The following XIRP2 variants were observed in gnomAD, a reference collection of about 807,000 sequenced individuals.
XIRP2 encodes xin actin-binding repeat-containing protein 2.
A neutral mutation model predicts 277.0 loss-of-function variants in XIRP2; 236 were observed. The ratio of observed to expected loss-of-function variants is 0.85; its 90% confidence interval spans 0.77 to 0.95. The LOEUF is 0.95. XIRP2 is among the 40% of genes least tolerant of loss of function. The pLI, the probability that XIRP2 is intolerant of heterozygous loss-of-function variation, is 0.00. For missense variants in XIRP2, 4,640 were observed against 4,157.5 expected (o/e 1.12, Z -3.19); for synonymous variants, 1,490 against 1,416.5 (o/e 1.05, Z -1.17).
At chr2:167,132,872 G>C (rs1691427257) in intron 2 of XIRP2, among the ~76,000 whole-genome samples, 2 of 152,148 alleles carry the variant, frequency 1.3e-5, no homozygotes, top group South Asian at 4.1e-4. Flanking sequence ...CTCAGCATTA[G>C]AGTTGCATGT....
At chr2:167,238,477 G>A (rs1047979714) in intron 5 of XIRP2, among the ~76,000 whole-genome samples, 1 of 151,972 alleles carries the variant, frequency 6.6e-6, no homozygotes, top group African/African-American at 2.4e-5. Context: ...ATGACTAACT[G>A]CTCCTTGGTT....
At chr2:167,231,727 A>G (rs992551031) in intron 5 of XIRP2, among the ~76,000 whole-genome samples, 3 of 151,930 alleles carry the variant, frequency 2.0e-5, no homozygotes, top group Admixed American at 1.3e-4. Context: ...GATCATCTCC[A>G]TCTTGGGCTT....
At chr2:167,022,647 T>G (rs1688017947) in intron 2 of XIRP2, among the ~76,000 whole-genome samples, 1 of 151,270 alleles carries the variant, frequency 6.6e-6, no homozygotes, top group African/African-American at 2.4e-5. Context: ...CCCCTTCCTG[T>G]GTCCATGTGT....
intron 2 of XIRP2, among the ~76,000 whole-genome samples, chr2:167,056,445 C>T (rs1048455187): frequency 1.3e-5 from 2 of 152,184 alleles, no homozygotes; most frequent in Admixed American, 6.5e-5. Flanking sequence ...ATTGATTGCA[C>T]GAGATGTAAA....
intron 2 of XIRP2, among the ~76,000 whole-genome samples, chr2:166,932,040 G>A (rs967496622): frequency 4.6e-5 from 7 of 152,018 alleles, no homozygotes; most frequent in South Asian, 2.1e-4. Context: ...AATGTTTATC[G>A]CACATATGGA....
At chr2:166,943,852 A>G (rs552379298) in intron 2 of XIRP2, among the ~76,000 whole-genome samples, 1 of 152,164 alleles carries the variant, frequency 6.6e-6, no homozygotes, top group Non-Finnish European at 1.5e-5. Flanking sequence ...TTTTGTCAAG[A>G]TGATTTTCCT....
At chr2:166,892,208 C>T (rs774725743) in intron 1 of XIRP2, among the ~76,000 whole-genome samples, 5 of 152,050 alleles carry the variant, frequency 3.3e-5, no homozygotes, top group Non-Finnish European at 5.9e-5. Context: ...TTGGCACAGG[C>T]TTCATTCTGA....
intron 2 of XIRP2, among the ~76,000 whole-genome samples, chr2:167,011,871 T>C (rs1339474716): frequency 6.6e-6 from 1 of 152,104 alleles, no homozygotes; most frequent in Non-Finnish European, 1.5e-5. Context: ...GAGGTGTTTG[T>C]AGTATTCTCT....
chr2:166,957,693 A>T (rs569936635), intron 2 of XIRP2, among the ~76,000 whole-genome samples: 5 of 151,938 alleles, frequency 3.3e-5, no homozygotes, highest in African/African-American at 9.6e-5. Flanking sequence ...TGTTCCCACA[A>T]AGAGGAAGCA....
At chr2:167,156,555 A>T (rs1170699870) in intron 3 of XIRP2, among the ~76,000 whole-genome samples, 1 of 152,196 alleles carries the variant, frequency 6.6e-6, no homozygotes, top group Admixed American at 6.5e-5. Flanking sequence ...TCAAATTATC[A>T]GATGCAAGAC....
At chr2:166,923,057 C>A (rs899156687) in intron 2 of XIRP2, among the ~76,000 whole-genome samples, 2 of 151,926 alleles carry the variant, frequency 1.3e-5, no homozygotes, top group African/African-American at 4.8e-5. Context: ...TTCCTATCAT[C>A]TCAAAGAGAG....
At chr2:167,204,794 T>G (rs2105382317) in intron 3 of XIRP2, among the ~76,000 whole-genome samples, 1 of 152,352 alleles carries the variant, frequency 6.6e-6, no homozygotes, top group South Asian at 2.1e-4. Context: ...TTTCCAATTT[T>G]TATTTTCTCG....
chr2:167,144,953 T>C (rs1691822714), intron 3 of XIRP2, among the ~76,000 whole-genome samples: 1 of 152,172 alleles, frequency 6.6e-6, no homozygotes, highest in African/African-American at 2.4e-5. Context: ...TTTAAATAAC[T>C]GCTGCATTGG....
intron 2 of XIRP2, among the ~76,000 whole-genome samples, chr2:166,912,865 G>C (rs1292155631): frequency 1.1e-5 from 1 of 90,456 alleles, no homozygotes; most frequent in Non-Finnish European, 1.9e-5. Context: ...GTTTGCTGGA[G>C]GTCCACTCGA....
intron 2 of XIRP2, among the ~76,000 whole-genome samples, chr2:166,975,452 G>T (rs1558935362): frequency 1.3e-5 from 2 of 151,982 alleles, no homozygotes; most frequent in Non-Finnish European, 2.9e-5. Context: ...TATGTTCTGT[G>T]ACCTCCAGCC....
rs758247467 is a variant in XIRP2 at position 167,245,986 on chromosome 2, A to C, written c.4594A>C (p.Thr1532Pro). The C allele has an allele frequency of 1.2e-6, 2 of 1,613,364 alleles. No individual in the cohort carries two copies. The highest frequency in any genetic ancestry group is 2.2e-5 in the East Asian group (1 of 44,836). Residue 1532 changes from threonine to proline, a missense_variant, in exon 9 of 11, where the codon ACA (threonine) becomes CCA (proline). Thr to Pro is a conservative substitution (Grantham distance 38, BLOSUM62 -1). Coordinates refer to ENST00000409195, the MANE Select transcript of XIRP2 (RefSeq NM_152381.6). ...AACAACCACATGGCTCTTTGAAACA[A>C]CACCACTTCATGAATTTAATGAAAC... is the stretch of plus-strand genomic sequence containing the variant. ...VKTTTWLFET[T>P]PLHEFNETRV...
chr2:167,230,713 G>C (rs16853279), intron 5 of XIRP2, among the ~76,000 whole-genome samples: 17 of 151,848 alleles, frequency 1.1e-4, no homozygotes, highest in Admixed American at 1.1e-3. Flanking sequence ...TAGAATGCTA[G>C]CACGGAAGAG....
chr2:167,115,311 G>A (rs1690868153), intron 2 of XIRP2, among the ~76,000 whole-genome samples: 1 of 152,116 alleles, frequency 6.6e-6, no homozygotes, highest in Admixed American at 6.5e-5. Flanking sequence ...ATGTCCTTCT[G>A]AATCTCAATG....
intron 2 of XIRP2, among the ~76,000 whole-genome samples, chr2:166,945,257 C>T (rs1424127549): frequency 6.6e-6 from 1 of 152,106 alleles, no homozygotes; most frequent in Non-Finnish European, 1.5e-5. Flanking sequence ...TCTGTAGTCT[C>T]CTATACATGC....
Sources: gnomAD v4.1 joint callset for allele counts (sites outside exome capture counted in the v4.1 genomes callset) on GRCh38, gnomAD v4.1.1 for gene constraint, MANE v1.5 for transcripts, NCBI Gene and HGNC (gene_info 2026-07-23, HGNC 2026-07-21) for gene names.